Variants in CFAP299 observed in about 807,000 individuals in gnomAD.
CFAP299 encodes cilia and flagella associated protein 299, also known as cilia- and flagella-associated protein 299.
CFAP299 carries 21 observed loss-of-function variants against 27.0 expected under a neutral mutation model. The ratio of observed to expected loss-of-function variants is 0.78; its 90% CI spans 0.55 to 1.12. CFAP299 has a LOEUF of 1.12. Ranked by LOEUF, CFAP299 falls within the 50% of genes most tolerant of loss-of-function variation. The probability of loss-of-function intolerance (pLI) is 0.00; values close to 1 mark genes in which losing one functional copy is unlikely to be tolerated. For synonymous variants in CFAP299, 104 were observed against 98.1 expected (o/e 1.06, Z -0.36); for missense variants, 310 against 276.6 (o/e 1.12, Z -0.86).
At chr4:80,916,450 GA>G (rs1219193277) in intron 4 of CFAP299, among the ~76,000 whole-genome samples, 2 of 151,342 alleles carry the variant, frequency 1.3e-5, no homozygotes, top group Non-Finnish European at 2.9e-5. Context: ...AAGTTATTGG[GA>G]ATCAGTTATA....
At chr4:80,698,495 G>T (rs1318679418) in intron 3 of CFAP299, among the ~76,000 whole-genome samples, 1 of 152,172 alleles carries the variant, frequency 6.6e-6, no homozygotes, top group Non-Finnish European at 1.5e-5. Context: ...ATTTAGTGTA[G>T]TAAATATTTT....
intron 1 of CFAP299, among the ~76,000 whole-genome samples, 186 bp from the exon 2 acceptor site, chr4:80,362,568 A>G (rs1723605180): frequency 6.6e-6 from 1 of 152,124 alleles, no homozygotes. Context: ...TCAGATGTGT[A>G]TAAATGTATT....
intron 3 of CFAP299, among the ~76,000 whole-genome samples, chr4:80,622,015 C>T (rs946934852): frequency 1.7e-4 from 26 of 152,078 alleles, no homozygotes; most frequent in Non-Finnish European, 3.1e-4. Flanking sequence ...AGAGAAGGCA[C>T]TTAAGTGTCA....
At chr4:80,758,237 G>C (rs193039813) in intron 3 of CFAP299, among the ~76,000 whole-genome samples, 149 of 152,286 alleles carry the variant, frequency 9.8e-4, no homozygotes, top group African/African-American at 3.3e-3. Flanking sequence ...TGGCTTTCAG[G>C]GGGCAGGGGA....
chr4:80,889,528 T>C (rs1438552616), intron 4 of CFAP299, among the ~76,000 whole-genome samples: 1 of 152,000 alleles, frequency 6.6e-6, no homozygotes, highest in African/African-American at 2.4e-5. Flanking sequence ...GCTTTACTGA[T>C]GAATTTTACC....
chr4:80,666,058 A>G (rs1741130652), intron 3 of CFAP299, among the ~76,000 whole-genome samples: 1 of 152,176 alleles, frequency 6.6e-6, no homozygotes, highest in Non-Finnish European at 1.5e-5. Flanking sequence ...CCAGTCTCAT[A>G]TGAGATATGT....
intron 4 of CFAP299, among the ~76,000 whole-genome samples, chr4:80,920,110 C>T (rs1735971981): frequency 6.6e-6 from 1 of 152,028 alleles, no homozygotes; most frequent in African/African-American, 2.4e-5. Context: ...CTTGTATGCC[C>T]CTTTTCAAAG....
chr4:80,954,735 C>T (rs1737965407), intron 5 of CFAP299, among the ~76,000 whole-genome samples: 1 of 151,896 alleles, frequency 6.6e-6, no homozygotes, highest in Non-Finnish European at 1.5e-5. Context: ...CATGGTGGCT[C>T]ATGCCTGTAA....
intron 4 of CFAP299, among the ~76,000 whole-genome samples, chr4:80,924,782 C>T (rs936568698): frequency 1.1e-4 from 17 of 151,316 alleles, no homozygotes; most frequent in Admixed American, 1.1e-3. Flanking sequence ...TATACTCTTT[C>T]TTATTATTAT....
In CFAP299 at chr4:80,735,272, G is replaced by A. The variant is rs543174515; in HGVS notation, c.334-134721G>A. On this transcript the variant is annotated intron_variant, in intron 3 of 5. Transcript: ENST00000358105. ...ACTGTCAGCATATAGAAATGCTACCGGATTTTTATGTTGAATTTGTATACT... is the reference window on the plus strand; with the variant it reads ...ACTGTCAGCATATAGAAATGCTACCAGATTTTTATGTTGAATTTGTATACT... Among the ~76,000 whole-genome samples, 49 of 152,034 alleles carry A rather than the reference G, an allele frequency of 3.2e-4. No homozygotes were observed. The South Asian group carries it at 7.9e-3, about 25-fold the overall frequency.
chr4:80,559,583 AAC>A (rs1288881394), intron 2 of CFAP299, among the ~76,000 whole-genome samples: 2 of 152,206 alleles, frequency 1.3e-5, no homozygotes, highest in Non-Finnish European at 2.9e-5. Flanking sequence ...AGAGATAGAA[AAC>A]ACAGTCCTGA....
chr4:80,531,742 T>G (rs1733476401), intron 2 of CFAP299, among the ~76,000 whole-genome samples: 1 of 149,752 alleles, frequency 6.7e-6, no homozygotes, highest in Non-Finnish European at 1.5e-5. Flanking sequence ...ACTGATAAGA[T>G]AGAAGTTTTT....
intron 3 of CFAP299, among the ~76,000 whole-genome samples, chr4:80,692,836 A>G (rs567155657): frequency 1.3e-5 from 2 of 152,322 alleles, no homozygotes; most frequent in East Asian, 3.9e-4. Flanking sequence ...TAATGAACTC[A>G]AACAAATTTA....
At chr4:80,420,648 A>T (rs1192666337) in intron 2 of CFAP299, among the ~76,000 whole-genome samples, 1 of 152,048 alleles carries the variant, frequency 6.6e-6, no homozygotes, top group Non-Finnish European at 1.5e-5. Flanking sequence ...TGAGTTCCTT[A>T]CATGTTTTGA....
chr4:80,775,265 A>G (rs1279235659), intron 3 of CFAP299, among the ~76,000 whole-genome samples: 1 of 151,942 alleles, frequency 6.6e-6, no homozygotes, highest in Non-Finnish European at 1.5e-5. Context: ...GTATGAAAGA[A>G]AACAAGAAAG....
At chr4:80,503,968 G>A (rs1263919061) in intron 2 of CFAP299, among the ~76,000 whole-genome samples, 3 of 152,034 alleles carry the variant, frequency 2.0e-5, no homozygotes, top group African/African-American at 4.8e-5. Context: ...AGGTAGAGAT[G>A]AATTTATGAG....
At chr4:80,482,384 T>G (rs573458794) in intron 2 of CFAP299, among the ~76,000 whole-genome samples, 4 of 152,230 alleles carry the variant, frequency 2.6e-5, no homozygotes, top group South Asian at 4.1e-4. Flanking sequence ...AAAATACCAT[T>G]CAACATTATA....
chr4:80,627,431 A>C (rs1420556841), intron 3 of CFAP299, among the ~76,000 whole-genome samples: 2 of 152,010 alleles, frequency 1.3e-5, no homozygotes, highest in African/African-American at 4.8e-5. Context: ...ACACAGAGTA[A>C]GATAAGGATG....
intron 3 of CFAP299, among the ~76,000 whole-genome samples, chr4:80,702,717 G>T (rs749968465): frequency 2.0e-5 from 3 of 151,774 alleles, no homozygotes; most frequent in Admixed American, 6.6e-5. Flanking sequence ...GTAAGCATAT[G>T]GGTTCTCAAT....
Sources: gnomAD v4.1 joint callset for allele counts (sites outside exome capture counted in the v4.1 genomes callset) on GRCh38, gnomAD v4.1.1 for gene constraint, MANE v1.5 for transcripts, NCBI Gene and HGNC (gene_info 2026-07-23, HGNC 2026-07-21) for gene names.